SLC1A6: variants seen among roughly 807,000 people sequenced by gnomAD.
SLC1A6 encodes the protein excitatory amino acid transporter 4.
SLC1A6 carries 15 observed loss-of-function variants against 42.1 expected under a neutral mutation model. That is an observed-to-expected ratio of 0.36 (90% CI 0.24 to 0.55). The LOEUF is 0.55. SLC1A6 is among the 20% of genes least tolerant of loss of function. The pLI, the probability that SLC1A6 is intolerant of heterozygous loss-of-function variation, is 0.88. For missense variants in SLC1A6, 542 were observed against 772.5 expected, an observed-to-expected ratio of 0.70 and a Z score of 3.54; for synonymous variants, 317 against 319.7, an observed-to-expected ratio of 0.99 and a Z score of 0.09.
At chr19:14,995,927 A>T (rs1011881151) in intron 1 of SLC1A6, among the ~76,000 whole-genome samples, 9 of 152,116 alleles carry the variant, frequency 5.9e-5, no homozygotes, top group African/African-American at 2.2e-4. Context: ...AAGAAGAGAG[A>T]GGGAAGGAAA....
chr19:14,961,933 G>T (rs3746293), intron 6 of SLC1A6, 69 bp downstream of exon 6: 4 of 1,528,908 alleles, frequency 2.6e-6, no homozygotes, highest in Non-Finnish European at 2.6e-6. Flanking sequence ...CAAGCCCTTC[G>T]GCAGCTTCCC....
chr19:14,958,779 A>G (rs1320560342), intron 6 of SLC1A6, among the ~76,000 whole-genome samples: 1 of 152,130 alleles, frequency 6.6e-6, no homozygotes. Flanking sequence ...ATTTCACCCA[A>G]TCATGCCAAT....
rs200544645 is a variant in SLC1A6 at position 14,953,097 on chromosome 19, A to C, written c.1365-35T>G. Reference sequence around the variant, plus strand: ...GAGGGAGAACATGGGGAGCAGATGGAGGGAAGAAGGCGATGAGGAAGAGAG... The same window carrying C: ...GAGGGAGAACATGGGGAGCAGATGGCGGGAAGAAGGCGATGAGGAAGAGAG... On this transcript the variant is annotated intron_variant, in intron 8 of 9. Coordinates refer to ENST00000594383, the MANE Select transcript of SLC1A6 (RefSeq NM_005071.3). 263 of 1,534,514 alleles carry C rather than the reference A, an allele frequency of 1.7e-4. No individual in the cohort carries two copies. The African/African-American group carries it at 3.1e-3, about 18-fold the overall frequency.
intron 4 of SLC1A6, among the ~76,000 whole-genome samples, chr19:14,965,382 A>G (rs1369637955): frequency 6.6e-6 from 1 of 152,164 alleles, no homozygotes; most frequent in African/African-American, 2.4e-5. Context: ...ACTACTGGGT[A>G]TCTACTCAAA....
At chr19:14,961,287 C>T (rs1014177133) in intron 6 of SLC1A6, 10 of 152,136 alleles carry the variant, frequency 6.6e-5, no homozygotes, top group African/African-American at 2.4e-4. Context: ...AACCATTCCA[C>T]AATGTAGAGA....
rs555360281 is a variant in SLC1A6 at position 14,951,614 on chromosome 19, T to C, written c.1500-1224A>G. Among the ~76,000 whole-genome samples, 134 of 152,142 alleles carry C rather than the reference T, an allele frequency of 8.8e-4. 1 individual carries two copies. The highest frequency in any genetic ancestry group is 2.6e-3 in the African/African-American group (108 of 41,528). ...TCACTGCAACCTCCACCTCCCAGGT[T>C]CAAGCGATTCTCCTGTCTCAGCCTC... is the stretch of plus-strand genomic sequence containing the variant. On this transcript the variant is annotated intron_variant, in intron 9 of 9. Transcript: ENST00000594383.
intron 1 of SLC1A6, among the ~76,000 whole-genome samples, chr19:15,009,565 A>T (rs1458328717): frequency 6.6e-6 from 1 of 152,074 alleles, no homozygotes; most frequent in African/African-American, 2.4e-5. Context: ...ATGGGTACAC[A>T]TGGACAAACA....
At chr19:14,952,273 CAAAA>C (rs71168528) in intron 9 of SLC1A6, among the ~76,000 whole-genome samples, 2 of 145,672 alleles carry the variant, frequency 1.4e-5, no homozygotes, top group South Asian at 2.2e-4. Context: ...AACATAATCT[CAAAA>C]AAAAAAAAAA....
chr19:14,990,434 G>A (rs978298846), intron 1 of SLC1A6, among the ~76,000 whole-genome samples: 1 of 152,184 alleles, frequency 6.6e-6, no homozygotes, highest in Non-Finnish European at 1.5e-5. Context: ...TGGAGGATTG[G>A]GGAGATGTTG....
intron 3 of SLC1A6, among the ~76,000 whole-genome samples, chr19:14,968,811 T>C (rs1046367249): frequency 5.3e-5 from 8 of 152,032 alleles, no homozygotes; most frequent in East Asian, 1.9e-4. Context: ...CCATCCTCTA[T>C]TGAGTCTTGT....
chr19:14,999,917 CA>C (rs1026475283), intron 1 of SLC1A6, among the ~76,000 whole-genome samples: 1 of 152,038 alleles, frequency 6.6e-6, no homozygotes, highest in African/African-American at 2.4e-5. Flanking sequence ...CATATATATA[CA>C]TGTGCTATGT....
rs1279659658 is a variant in SLC1A6, at chr19:14,968,900, T to C, written c.344-393A>G. On this transcript the variant is annotated intron_variant, in intron 3 of 9. Coordinates refer to ENST00000594383, the MANE Select transcript of SLC1A6 (RefSeq NM_005071.3). The stretch of plus-strand genomic sequence containing the variant: ...CTTCGCCCAGACTGGAGTGCAATGG[T>C]GCGATCTCAGCTCAGTACAACCTCC... Among the ~76,000 whole-genome samples, 3 of 151,634 alleles carry C rather than the reference T, an allele frequency of 2.0e-5. No individual in the cohort carries two copies. In the South Asian group the frequency reaches 6.2e-4, roughly 31 times the overall value.
upstream of SLC1A6, among the ~76,000 whole-genome samples, chr19:14,983,782 C>CT (rs2145226618): frequency 7.1e-6 from 1 of 141,664 alleles, no homozygotes; most frequent in Non-Finnish European, 1.5e-5. Flanking sequence ...CTTACAGAGA[C>CT]AATATGTATG....
At chr19:14,955,733 G>C (rs1193453563) in intron 7 of SLC1A6, among the ~76,000 whole-genome samples, 1 of 151,934 alleles carries the variant, frequency 6.6e-6, no homozygotes, top group Non-Finnish European at 1.5e-5. Context: ...CCAGGTGTTC[G>C]AGACCAGCCT....
intron 1 of SLC1A6, among the ~76,000 whole-genome samples, chr19:14,985,445 C>T (rs1228288124): frequency 4.6e-5 from 7 of 152,022 alleles, no homozygotes; most frequent in Non-Finnish European, 4.4e-5. Flanking sequence ...TGGGAAAGCT[C>T]GCTGTTTAAA....
At position 14,998,990 on chromosome 19, in the gene SLC1A6, G is replaced by T. The variant is rs932549496; in HGVS notation, c.6+11495C>A. On this transcript the variant is annotated intron_variant, in intron 1 of 8. Transcript: ENST00000430939. ...CCTCCTGGGTTCACGCCATTCTCCT[G>T]CCTCAGCCTCCCGAGTAGCTGGGAC... Among the ~76,000 whole-genome samples, 7 of 152,016 alleles carry T rather than the reference G, an allele frequency of 4.6e-5. No individual in the cohort carries two copies. In the South Asian group the frequency reaches 1.2e-3, roughly 27 times the overall value.
upstream of SLC1A6, among the ~76,000 whole-genome samples, chr19:14,981,195 A>G (rs573570428): frequency 1.2e-4 from 19 of 152,074 alleles, no homozygotes; most frequent in African/African-American, 4.6e-4. Flanking sequence ...CAGGAGGCTG[A>G]GGCAGGAGGG....
intron 4 of SLC1A6, 63 bp from the exon 5 acceptor site, chr19:14,964,424 C>T: frequency 7.6e-7 from 1 of 1,312,540 alleles, no homozygotes; most frequent in Non-Finnish European, 1.1e-6. Context: ...AGGGTGATAA[C>T]AGTAATACTA....
At chr19:14,982,891 A>G (rs538205879), upstream of SLC1A6, among the ~76,000 whole-genome samples, 1 of 152,356 alleles carries the variant, frequency 6.6e-6, no homozygotes, top group East Asian at 1.9e-4. Context: ...ATGTTAACAT[A>G]AAATAGCATA....
Sources: allele counts gnomAD v4.1 joint callset (sites outside exome capture counted in the v4.1 genomes callset), GRCh38; gene constraint gnomAD v4.1.1; transcripts MANE v1.5; gene names NCBI Gene and HGNC (gene_info 2026-07-23, HGNC 2026-07-21).